Variants in TBX4 observed in about 807,000 individuals in gnomAD.
The protein encoded by TBX4 is T-box transcription factor TBX4.
Under a neutral mutation model 54.6 loss-of-function variants are expected in TBX4, and 13 were observed. The observed-to-expected ratio is 0.24, with a 90% CI of 0.15 to 0.38. The LOEUF is 0.38. Ranked by LOEUF, TBX4 falls within the 10% of genes least tolerant of loss-of-function variation. The pLI is 1.00. For synonymous variants in TBX4, 314 were observed against 306.7 expected (o/e 1.02, Z -0.25); for missense variants, 631 against 728.5 (o/e 0.87, Z 1.54).
In TBX4 at chr17:61,477,896, G is replaced by A. The variant is rs149491718; in HGVS notation, c.550-731G>A. Among the ~76,000 whole-genome samples the A allele has an allele frequency of 3.3e-3, 482 of 145,354 alleles. 5 individuals carry two copies. Among genetic ancestry groups the A allele is most frequent in the African/African-American group, 0.012 (459 of 38,634 alleles). On this transcript the variant is annotated intron_variant, in intron 5 of 8. Transcript: ENST00000644296. ...GTAGAGGTTGCAGTGAGCCAAGATT[G>A]CGGCACTGCAGTCCAGCCTGGGCAA...
rs986386968 is a variant in TBX4, at chr17:61,461,882, G to C, written c.282-3937G>C. On this transcript the variant is annotated intron_variant, in intron 3 of 8. Transcript: ENST00000644296. This position sits in a 1 kb window ranked among gnomAD's most constrained non-coding sequence, Gnocchi z 5.1. ...CCCCAGGGACCTCCGAGAAAGTCGG[G>C]GCTGCAGCGGGGTTGGGGCTTGGGG... Among the ~76,000 whole-genome samples the C allele has an allele frequency of 6.6e-6, 1 of 152,004 alleles. No individual in the cohort carries two copies. The highest frequency in any genetic ancestry group is 2.4e-5 in the African/African-American group (1 of 41,388).
At chr17:61,454,831 C>A (rs1164554152) in intron 1 of TBX4, among the ~76,000 whole-genome samples, 1 of 152,234 alleles carries the variant, frequency 6.6e-6, no homozygotes, top group Admixed American at 6.5e-5. Flanking sequence ...GCCATGCGGG[C>A]CAAGCGCGAG....
At position 61,476,093 on chromosome 17, in the gene TBX4, G is replaced by T. The variant is rs990818437; in HGVS notation, c.550-2534G>T. ...CACTAGATCCTGTCTGGGGGCAAAGGAGCCTGGAGGTACAAAAGGATAAAA... is the reference window on the plus strand; with the variant it reads ...CACTAGATCCTGTCTGGGGGCAAAGTAGCCTGGAGGTACAAAAGGATAAAA... On this transcript the variant is annotated intron_variant, in intron 5 of 8. Transcript: ENST00000644296. This position sits in a 1 kb window ranked among gnomAD's most constrained non-coding sequence, Gnocchi z 6.5. Among the ~76,000 whole-genome samples, 2 of 152,196 alleles carry T rather than the reference G, an allele frequency of 1.3e-5. No homozygotes were observed. The highest frequency in any genetic ancestry group is 2.9e-5 in the Non-Finnish European group (2 of 68,034).
At chr17:61,463,963 C>T (rs541817454) in intron 3 of TBX4, among the ~76,000 whole-genome samples, 69 of 152,284 alleles carry the variant, frequency 4.5e-4, no homozygotes, top group Non-Finnish European at 8.1e-4. Flanking sequence ...GATCCAGCTG[C>T]GCCCCCAGGC....
intron 5 of TBX4, among the ~76,000 whole-genome samples, chr17:61,468,054 A>T (rs1044741282): frequency 1.1e-4 from 16 of 152,238 alleles, no homozygotes; most frequent in African/African-American, 3.6e-4. Context: ...TCAGTTCCCC[A>T]AAATCTTGCC....
Position 61,478,620 on chromosome 17 carries a change from C to T in TBX4, c.550-7C>T, listed in dbSNP as rs2060639321. ...CTGGAGCTCAGCATGAGACCCTTCTCTTCCAGATCATCCTCAACTCTATGC... is the reference window on the plus strand; with the variant it reads ...CTGGAGCTCAGCATGAGACCCTTCTTTTCCAGATCATCCTCAACTCTATGC... On this transcript the variant is annotated splice_polypyrimidine_tract_variant and splice_region_variant and intron_variant, in intron 5 of 8. Coordinates refer to ENST00000644296, the MANE Select transcript of TBX4 (RefSeq NM_001321120.2). The surrounding 1 kb of genome is among the most constrained non-coding windows in gnomAD (Gnocchi z 7.4). 6.2e-7 allele frequency: 1 copy of T among 1,614,214 alleles called. No homozygotes were observed.
chr17:61,468,733 A>G (rs1030059946), intron 5 of TBX4, among the ~76,000 whole-genome samples: 1 of 152,242 alleles, frequency 6.6e-6, no homozygotes, highest in Non-Finnish European at 1.5e-5. Flanking sequence ...GACTTATCTT[A>G]TCTGGTTTGT....
At chr17:61,466,704 T>G (rs1448503751) in intron 4 of TBX4, among the ~76,000 whole-genome samples, 1 of 152,242 alleles carries the variant, frequency 6.6e-6, no homozygotes, top group Non-Finnish European at 1.5e-5. Flanking sequence ...GCCATGTTTC[T>G]GTTTCTTCTC....
chr17:61,457,487 G>C lies in TBX4; in HGVS notation c.187-50G>C. ...TGGTTCTTCTTTCCTCAGGCTCCGCGTGGAGCCCTGGGCCTGGCAGACACA... is the reference window on the plus strand; with the variant it reads ...TGGTTCTTCTTTCCTCAGGCTCCGCCTGGAGCCCTGGGCCTGGCAGACACA... On this transcript the variant is annotated intron_variant, in intron 2 of 8. Coordinates refer to ENST00000644296, the MANE Select transcript of TBX4 (RefSeq NM_001321120.2). This position sits in a 1 kb window ranked among gnomAD's most constrained non-coding sequence, Gnocchi z 8.2. 1.3e-6 allele frequency: 2 copies of C among 1,566,764 alleles called. No homozygotes were observed. Among genetic ancestry groups the C allele is most frequent in the Non-Finnish European group, 1.8e-6 (2 of 1,137,208 alleles).
In TBX4 at chr17:61,475,530, C is replaced by A. The variant is rs1328177967; in HGVS notation, c.550-3097C>A. Among the ~76,000 whole-genome samples, 1 of 152,006 alleles carries A rather than the reference C, an allele frequency of 6.6e-6. No individual in the cohort carries two copies. The highest frequency in any genetic ancestry group is 2.4e-5 in the African/African-American group (1 of 41,356). ...AGCAGCCCAGCCAAAGATGGTGGGG[C>A]CTGAAGCAGGGGTGTGCAAAAGGAA... is the stretch of plus-strand genomic sequence containing the variant. On this transcript the variant is annotated intron_variant, in intron 5 of 8. Coordinates refer to ENST00000644296, the MANE Select transcript of TBX4 (RefSeq NM_001321120.2). This position sits in a 1 kb window ranked among gnomAD's most constrained non-coding sequence, Gnocchi z 5.0.
At position 61,475,319 on chromosome 17, in the gene TBX4, C is replaced by T. The variant is rs1158002670; in HGVS notation, c.550-3308C>T. ...TGTACATAAGGCATTTACTGAGCCC[C>T]ATATACTGGCAGCAGTGGTAGGAGG... On this transcript the variant is annotated intron_variant, in intron 5 of 8. Coordinates refer to ENST00000644296, the MANE Select transcript of TBX4 (RefSeq NM_001321120.2). This position sits in a 1 kb window ranked among gnomAD's most constrained non-coding sequence, Gnocchi z 5.0. Among the ~76,000 whole-genome samples the T allele has an allele frequency of 1.3e-5, 2 of 152,190 alleles. No homozygotes were observed. Among genetic ancestry groups the T allele is most frequent in the Non-Finnish European group, 2.9e-5 (2 of 68,032 alleles).
chr17:61,477,182 G>A (rs767417342), intron 5 of TBX4, among the ~76,000 whole-genome samples: 6 of 152,248 alleles, frequency 3.9e-5, no homozygotes, highest in Admixed American at 6.5e-5. Flanking sequence ...GACAGAAACC[G>A]AAGGGTTAAC....
At chr17:61,466,352 G>A (rs2060537638) in intron 4 of TBX4, among the ~76,000 whole-genome samples, 1 of 152,210 alleles carries the variant, frequency 6.6e-6, no homozygotes, top group East Asian at 1.9e-4. Context: ...ATTACCTGCT[G>A]TGTGGGGGCA....
Position 61,452,954 on chromosome 17 carries a change from G to A in TBX4, c.-4+377G>A, listed in dbSNP as rs1347496030. 9 of 985,338 alleles carry A rather than the reference G, an allele frequency of 9.1e-6. No homozygotes were observed. In the African/African-American group the frequency reaches 1.6e-4, roughly 17 times the overall value. The allele number at this position is 985,338 out of a possible 1,614,324, so 61.0% of individuals were successfully genotyped here. On this transcript the variant is annotated intron_variant, in intron 1 of 8. Coordinates refer to ENST00000644296, the MANE Select transcript of TBX4 (RefSeq NM_001321120.2). Reference sequence around the variant, plus strand: ...AGAATATGCAAGGCCAAGGAAGAGGGCCCCGGTACTGGAGCGAAAATCCGT... The same window carrying A: ...AGAATATGCAAGGCCAAGGAAGAGGACCCCGGTACTGGAGCGAAAATCCGT...
rs190887410 is a variant in TBX4, at chr17:61,461,210, C to A, written c.281+3579C>A. 2.0e-5 allele frequency among the ~76,000 whole-genome samples: 3 copies of A among 152,348 alleles called. No homozygotes were observed. Among genetic ancestry groups the A allele is most frequent in the Non-Finnish European group, 4.4e-5 (3 of 68,032 alleles). ...ACAACATCCATTCCACACACTCTCA[C>A]CCCTGCCCCTCCCTCAGGGAAAAGA... On this transcript the variant is annotated intron_variant, in intron 3 of 8. Transcript: ENST00000644296. This position sits in a 1 kb window ranked among gnomAD's most constrained non-coding sequence, Gnocchi z 5.1.
chr17:61,454,782 G>C (rs867198628), intron 1 of TBX4, among the ~76,000 whole-genome samples: 6 of 152,218 alleles, frequency 3.9e-5, no homozygotes, highest in Admixed American at 6.5e-5. Context: ...TCCGCTGCAC[G>C]GCTCCGGGTG....
At position 61,476,786 on chromosome 17, in the gene TBX4, G is replaced by A. The variant is rs532825852; in HGVS notation, c.550-1841G>A. 2.6e-5 allele frequency among the ~76,000 whole-genome samples: 4 copies of A among 152,230 alleles called. No individual in the cohort carries two copies. In the East Asian group the frequency reaches 5.8e-4, roughly 22 times the overall value. On this transcript the variant is annotated intron_variant, in intron 5 of 8. Transcript: ENST00000644296. This position sits in a 1 kb window ranked among gnomAD's most constrained non-coding sequence, Gnocchi z 6.5. ...GAGTGGCCAGTGCAGAAGGCAGAAA[G>A]TGTGGTTCCTGCTGGATGGAGTCAC...
chr17:61,478,812 A>G lies in TBX4; in HGVS notation c.702+33A>G. 6.2e-7 allele frequency: 1 copy of G among 1,613,956 alleles called. No individual in the cohort carries two copies. The highest frequency in any genetic ancestry group is 8.5e-7 in the Non-Finnish European group (1 of 1,179,958). On this transcript the variant is annotated intron_variant, in intron 6 of 8. Transcript: ENST00000644296. The surrounding 1 kb of genome is among the most constrained non-coding windows in gnomAD (Gnocchi z 7.4). ...CACTGCCCCACTGCCCCACAGCCCC[A>G]CTTAACACCACCCTGCGTTCTCTTC...
Position 61,474,746 on chromosome 17 carries a change from T to C in TBX4, c.550-3881T>C, listed in dbSNP as rs979481142. Among the ~76,000 whole-genome samples, 5 of 152,182 alleles carry C rather than the reference T, an allele frequency of 3.3e-5. No individual in the cohort carries two copies. Among genetic ancestry groups the C allele is most frequent in the Non-Finnish European group, 5.9e-5 (4 of 68,038 alleles). On this transcript the variant is annotated intron_variant, in intron 5 of 8. Transcript: ENST00000644296. This position sits in a 1 kb window ranked among gnomAD's most constrained non-coding sequence, Gnocchi z 4.6. Reference sequence around the variant, plus strand: ...CCATATCCTCTGCAGCAAATATAAATGTGAAACTCTGGCAAAGTAGTTTAA... The same window carrying C: ...CCATATCCTCTGCAGCAAATATAAACGTGAAACTCTGGCAAAGTAGTTTAA...
Sources: gnomAD v4.1 joint callset for allele counts (sites outside exome capture counted in the v4.1 genomes callset) on GRCh38, gnomAD v4.1.1 for gene constraint, Gnocchi (gnomAD v3.1) non-coding constraint, MANE v1.5 for transcripts, NCBI Gene and HGNC (gene_info 2026-07-23, HGNC 2026-07-21) for gene names.